The following TDG variants were observed in gnomAD, a reference collection of about 807,000 sequenced individuals.
TDG encodes G/T mismatch-specific thymine DNA glycosylase.
In TDG, 23 loss-of-function variants were observed where a neutral mutation model predicts 46.1. The observed-to-expected ratio is 0.50, with a 90% CI of 0.36 to 0.71. The LOEUF is 0.71. Ranked by LOEUF, TDG falls within the 30% of genes least tolerant of loss-of-function variation. The pLI, the probability that TDG is intolerant of heterozygous loss-of-function variation, is 0.00. For missense variants in TDG, 304 were observed against 486.7 expected (o/e 0.62, Z 3.53); for synonymous variants, 115 against 161.3 (o/e 0.71, Z 2.18).
intron 4 of TDG, among the ~76,000 whole-genome samples, chr12:103,981,599 T>G (rs1179292496): frequency 2.0e-5 from 3 of 152,206 alleles, no homozygotes; most frequent in Non-Finnish European, 4.4e-5. Context: ...GTAACGATAG[T>G]ATAGTACATC....
intron 2 of TDG, among the ~76,000 whole-genome samples, chr12:103,977,786 G>A (rs1403339887): frequency 3.3e-5 from 5 of 152,214 alleles, no homozygotes; most frequent in South Asian, 4.1e-4. Context: ...GAGGCAGGCC[G>A]GGCACAGTGG....
intron 1 of TDG, chr12:103,973,002 C>T (rs1026830584): frequency 7.1e-6 from 5 of 701,572 alleles, no homozygotes; most frequent in Admixed American, 6.0e-5. Context: ...ATGTGAAATT[C>T]TGAGAGTAGT....
intron 1 of TDG, among the ~76,000 whole-genome samples, chr12:103,973,333 C>T (rs904139462): frequency 2.0e-5 from 3 of 152,174 alleles, no homozygotes; most frequent in African/African-American, 7.2e-5. Context: ...GATCCGCCCG[C>T]CTTGACCTCC....
chr12:103,980,809 A>G (rs568641049), intron 3 of TDG, 84 bp from the exon 4 acceptor site: 14 of 1,211,878 alleles, frequency 1.2e-5, no homozygotes, highest in East Asian at 7.0e-5. Flanking sequence ...AATCAACTCA[A>G]TTTTGTCCAC....
chr12:103,983,113 A>T, intron 5 of TDG, 23 bp from the exon 6 acceptor site: 1 of 1,560,324 alleles, frequency 6.4e-7, no homozygotes, highest in Non-Finnish European at 8.6e-7. Context: ...TATATTTTTG[A>T]CTACTTTTTA....
At chr12:103,980,483 G>C (rs1871770405) in intron 3 of TDG, 1 of 222,078 alleles carries the variant, frequency 4.5e-6, no homozygotes, top group African/African-American at 2.3e-5. Context: ...CTCAGTAACT[G>C]TAAGAAACAT....
In TDG at chr12:103,987,958, T is replaced by C. The variant is rs1329754201; in HGVS notation, c.*868T>C. On this transcript the variant is annotated 3_prime_UTR_variant, in exon 10 of 10. Coordinates refer to ENST00000392872, the MANE Select transcript of TDG (RefSeq NM_003211.6). ...AAGATGCTGGAGATATTTGATACTC[T>C]CATTTAAACTGGTGCTTTATGTACA... The C allele has an allele frequency of 6.5e-6, 1 of 152,708 alleles. No individual in the cohort carries two copies. Among genetic ancestry groups the C allele is most frequent in the Admixed American group, 6.5e-5 (1 of 15,296 alleles). The allele number at this position is 152,708 out of a possible 1,614,324, so 9.5% of individuals were successfully genotyped here.
chr12:103,988,683 G>A lies in TDG; in HGVS notation c.*1593G>A, dbSNP rs1872337359. On this transcript the variant is annotated 3_prime_UTR_variant, in exon 10 of 10. Transcript: ENST00000392872. ...TAAATTATGACGGACATCCACTAGA[G>A]ATGGGTTTGAGGATTTTCCAAGCGT... The A allele has an allele frequency of 6.6e-6, 1 of 152,652 alleles. No homozygotes were observed. The highest frequency in any genetic ancestry group is 1.5e-5 in the Non-Finnish European group (1 of 68,052). The allele number at this position is 152,652 out of a possible 1,614,324, so 9.5% of individuals were successfully genotyped here. A position where few individuals can be genotyped will look rare whatever the true frequency, so the allele number is the denominator to read the frequency against.
intron 4 of TDG, among the ~76,000 whole-genome samples, chr12:103,981,559 A>T (rs1179009063): frequency 6.6e-6 from 1 of 152,114 alleles, no homozygotes; most frequent in Non-Finnish European, 1.5e-5. Context: ...TTTAAAAATG[A>T]TTTTTTAAAA....
chr12:103,974,490 C>T (rs531160426), intron 1 of TDG, among the ~76,000 whole-genome samples: 8 of 152,092 alleles, frequency 5.3e-5, no homozygotes, highest in Middle Eastern at 3.4e-3. Flanking sequence ...TATATTGCCC[C>T]GGCCACTCTT....
At position 103,965,976 on chromosome 12, in the gene TDG, T is replaced by C; in HGVS notation, c.-62T>C. 1.9e-6 allele frequency: 3 copies of C among 1,573,980 alleles called. No homozygotes were observed. Among genetic ancestry groups the C allele is most frequent in the Non-Finnish European group, 2.6e-6 (3 of 1,160,446 alleles). Reference sequence around the variant, plus strand: ...TACCGCAGTGAGTACCACGCGGTACTACAGAGACCGGCTGCCCGTGTGCCC... The same window carrying C: ...TACCGCAGTGAGTACCACGCGGTACCACAGAGACCGGCTGCCCGTGTGCCC... On this transcript the variant is annotated 5_prime_UTR_variant, in exon 1 of 10. Coordinates refer to ENST00000392872, the MANE Select transcript of TDG (RefSeq NM_003211.6).
At position 103,983,178 on chromosome 12, in the gene TDG, A is replaced by T. The variant is rs1566183127; in HGVS notation, c.657A>T (p.Leu219Phe). 5.0e-6 allele frequency: 8 copies of T among 1,607,962 alleles called. No homozygotes were observed. Among genetic ancestry groups the T allele is most frequent in the Non-Finnish European group, 6.8e-6 (8 of 1,178,194 alleles). The change falls in exon 6 of 10, where the codon TTA (leucine) becomes TTT (phenylalanine). Residue 219 changes from leucine (L) to phenylalanine (F), a missense_variant. Physicochemically the swap from Leu to Phe is conservative, Grantham distance 22. Coordinates refer to ENST00000392872, the MANE Select transcript of TDG (RefSeq NM_003211.6). ...GAGGACGTATTCTAGTACAGAAATT[A>T]CAGAAATATCAGCCACGAATAGCAG... is the stretch of plus-strand genomic sequence containing the variant. ...REGGRILVQK[L>F]QKYQPRIAVF...
chr12:103,988,856 TAAG>T lies in TDG; in HGVS notation c.*1769_*1771del. On this transcript the variant is annotated 3_prime_UTR_variant, in exon 10 of 10. Transcript: ENST00000392872. ...TGATGGCTTTTACAATAAAAGATAT[TAAG>T]AATTGTTATCCTTAACTTACGGGCT... 1 of 152,218 alleles carries T rather than the reference TAAG, an allele frequency of 6.6e-6. No homozygotes were observed. Among genetic ancestry groups the T allele is most frequent in the African/African-American group, 2.4e-5 (1 of 41,460 alleles). 9.4% of individuals were successfully genotyped at this position (152,218 alleles called of 1,614,324 possible). A position where few individuals can be genotyped will look rare whatever the true frequency, so the allele number is the denominator to read the frequency against.
intron 1 of TDG, among the ~76,000 whole-genome samples, chr12:103,972,333 G>C (rs185568040): frequency 2.7e-3 from 413 of 152,234 alleles, no homozygotes; most frequent in Admixed American, 4.8e-3. Context: ...TGGCCAGGCC[G>C]GTCTCGAACT....
chr12:103,985,052 TATATATACATGTGTATATATAC>T (rs1872056497), intron 8 of TDG, 132 bp downstream of exon 8: 1 of 470,594 alleles, frequency 2.1e-6, no homozygotes, highest in East Asian at 6.1e-5. Flanking sequence ...TGCACACGTG[TATATATACATGTGTATATATAC>T]ATATATACAC....
chr12:103,965,898 C>T lies in TDG; in HGVS notation c.-140C>T. On this transcript the variant is annotated 5_prime_UTR_variant, in exon 1 of 10. Coordinates refer to ENST00000392872, the MANE Select transcript of TDG (RefSeq NM_003211.6). ...GAAGCCTGGAGGAGGAGCTTGAGTC[C>T]AGCCACTGTCTGGGTACTGCCAGCC... 1 of 1,335,004 alleles carries T rather than the reference C, an allele frequency of 7.5e-7. No homozygotes were observed. The highest frequency in any genetic ancestry group is 1.4e-5 in the South Asian group (1 of 70,360). 82.7% of individuals were successfully genotyped at this position (1,335,004 alleles called of 1,614,324 possible).
At position 103,983,142 on chromosome 12, in the gene TDG, A is replaced by C. The variant is rs768593286; in HGVS notation, c.621A>C (p.Glu207Asp). Reference protein sequence around the residue: ...TPGSKDLSSKEFREGGRILVQ... With the variant: ...TPGSKDLSSKDFREGGRILVQ... ...CTTTTTAATTCAATTTTAGTAAAGAATTTCGTGAAGGAGGACGTATTCTAG... is the reference window on the plus strand; with the variant it reads ...CTTTTTAATTCAATTTTAGTAAAGACTTTCGTGAAGGAGGACGTATTCTAG... The change falls in exon 6 of 10, where the codon GAA becomes GAC. Residue 207 changes from glutamate (E) to aspartate (D), a missense_variant. Coordinates refer to ENST00000392872, the MANE Select transcript of TDG (RefSeq NM_003211.6). The C allele has an allele frequency of 6.2e-7, 1 of 1,602,538 alleles. No homozygotes were observed. Among genetic ancestry groups the C allele is most frequent in the Admixed American group, 1.7e-5 (1 of 58,016 alleles).
Position 103,973,478 on chromosome 12 carries a change from G to A in TDG, c.24-3440G>A, listed in dbSNP as rs190066050. ...TAAATCAAGGTGCTATTAGAATCTC[G>A]GGAAGCTGCCGCTGACCACAGTCAG... On this transcript the variant is annotated intron_variant, in intron 1 of 9. Coordinates refer to ENST00000392872, the MANE Select transcript of TDG (RefSeq NM_003211.6). 1.4e-4 allele frequency among the ~76,000 whole-genome samples: 22 copies of A among 152,190 alleles called. No homozygotes were observed. In the East Asian group the frequency reaches 3.9e-3, roughly 27 times the overall value.
At position 103,976,950 on chromosome 12, in the gene TDG, C is replaced by G. The variant is rs201193630; in HGVS notation, c.56C>G (p.Thr19Arg). 1.2e-6 allele frequency: 2 copies of G among 1,613,844 alleles called. No individual in the cohort carries two copies. The highest frequency in any genetic ancestry group is 2.7e-5 in the African/African-American group (2 of 74,912). Reference sequence around the variant, plus strand: ...CTTCAGCAAGCTCAAGCTTTTTATACGTTTCCATTTCAACAACTGATGGCT... The same window carrying G: ...CTTCAGCAAGCTCAAGCTTTTTATAGGTTTCCATTTCAACAACTGATGGCT... ...YSLQQAQAFYTFPFQQLMAEA... is the reference protein window; with the variant it reads ...YSLQQAQAFYRFPFQQLMAEA... The change falls in exon 2 of 10, where the codon ACG becomes AGG. Residue 19 changes from threonine (T) to arginine (R), a missense_variant. By Grantham distance (71) the Thr-to-Arg change is moderately conservative. Coordinates refer to ENST00000392872, the MANE Select transcript of TDG (RefSeq NM_003211.6).
Sources: gnomAD v4.1 joint callset for allele counts (sites outside exome capture counted in the v4.1 genomes callset) on GRCh38, gnomAD v4.1.1 for gene constraint, MANE v1.5 for transcripts, NCBI Gene and HGNC (gene_info 2026-07-23, HGNC 2026-07-21) for gene names.